Variants in EFCAB11 observed in about 807,000 individuals in gnomAD.
EFCAB11 encodes EF-hand calcium binding domain 11.
EFCAB11 carries 14 observed loss-of-function variants against 23.0 expected under a neutral mutation model. The observed-to-expected ratio is 0.61, with a 90% CI of 0.40 to 0.95. The LOEUF is 0.95. Among genes scored for constraint, EFCAB11 ranks in the 40% least tolerant of loss-of-function variants. The probability of loss-of-function intolerance (pLI) is 0.00; values close to 1 mark genes in which losing one functional copy is unlikely to be tolerated. For missense variants in EFCAB11, 198 were observed against 195.8 expected (o/e 1.01, Z -0.07); for synonymous variants, 65 against 66.6 (o/e 0.98, Z 0.11).
chr14:89,906,497 GACGCATCTA>G (rs1230336287), intron 5 of EFCAB11, among the ~76,000 whole-genome samples: 3 of 152,158 alleles, frequency 2.0e-5, no homozygotes, highest in Non-Finnish European at 4.4e-5. Flanking sequence ...TATGTCAGCT[GACGCATCTA>G]AATTAGAAGT....
chr14:89,800,690 G>A (rs1345562841), intron 5 of EFCAB11, among the ~76,000 whole-genome samples: 1 of 152,174 alleles, frequency 6.6e-6, no homozygotes, highest in South Asian at 2.1e-4. Context: ...TTTTTGGTGT[G>A]TTTGTTTTTG....
intron 5 of EFCAB11, among the ~76,000 whole-genome samples, chr14:89,815,546 C>A (rs563753007): frequency 6.6e-6 from 1 of 152,152 alleles, no homozygotes; most frequent in South Asian, 2.1e-4. Context: ...CCTGCCTCAG[C>A]CTCTTGAGTA....
intron 5 of EFCAB11, chr14:89,836,499 G>A: frequency 2.2e-6 from 1 of 452,754 alleles, no homozygotes. Flanking sequence ...TGGATGTTGG[G>A]GGCGGTGTGT....
chr14:89,926,723 T>C (rs1890206086), intron 5 of EFCAB11, among the ~76,000 whole-genome samples: 1 of 152,230 alleles, frequency 6.6e-6, no homozygotes, highest in Non-Finnish European at 1.5e-5. Context: ...GACTCAAAAA[T>C]GTTAGCATTC....
chr14:89,813,305 C>T (rs1253502163), intron 5 of EFCAB11, among the ~76,000 whole-genome samples: 3 of 152,120 alleles, frequency 2.0e-5, no homozygotes, highest in African/African-American at 7.2e-5. Flanking sequence ...GATACGATAC[C>T]TTGATATCTA....
At chr14:89,825,819 T>C (rs767715343) in intron 5 of EFCAB11, among the ~76,000 whole-genome samples, 2 of 152,176 alleles carry the variant, frequency 1.3e-5, no homozygotes, top group Non-Finnish European at 1.5e-5. Flanking sequence ...TCAAAATGTG[T>C]TAAATTTTGC....
intron 5 of EFCAB11, among the ~76,000 whole-genome samples, chr14:89,834,397 A>AAAC (rs1211367607): frequency 3.3e-4 from 49 of 150,698 alleles, no homozygotes; most frequent in African/African-American, 1.2e-3. Flanking sequence ...AAAAAAAAAA[A>AAAC]AAAAAACCTT....
chr14:89,935,877 A>G (rs550474221), intron 3 of EFCAB11, among the ~76,000 whole-genome samples: 1 of 152,244 alleles, frequency 6.6e-6, no homozygotes, highest in South Asian at 2.1e-4. Context: ...GTGTGGCGGC[A>G]TGCACCTGTA....
chr14:89,832,032 G>C (rs913452431), intron 5 of EFCAB11, among the ~76,000 whole-genome samples: 2 of 152,284 alleles, frequency 1.3e-5, no homozygotes, highest in South Asian at 2.1e-4. Context: ...CAAGCTAGGG[G>C]CTGGGCGTGG....
At chr14:89,901,501 C>T (rs745593363) in intron 5 of EFCAB11, among the ~76,000 whole-genome samples, 3 of 152,126 alleles carry the variant, frequency 2.0e-5, no homozygotes, top group African/African-American at 4.8e-5. Flanking sequence ...GGGCCCAGCA[C>T]GCACCAAGAA....
At chr14:89,881,595 T>TCAC (rs1888605469) in intron 5 of EFCAB11, among the ~76,000 whole-genome samples, 1 of 150,550 alleles carries the variant, frequency 6.6e-6, no homozygotes, top group Non-Finnish European at 1.5e-5. Context: ...TTACAGACAT[T>TCAC]CACCACCACA....
chr14:89,926,959 G>A (rs1265287913), intron 5 of EFCAB11, among the ~76,000 whole-genome samples: 1 of 152,144 alleles, frequency 6.6e-6, no homozygotes, highest in Non-Finnish European at 1.5e-5. Flanking sequence ...TCAACGTTAT[G>A]AACCCTAATA....
chr14:89,824,372 T>C (rs2140105515), intron 5 of EFCAB11, among the ~76,000 whole-genome samples: 1 of 152,214 alleles, frequency 6.6e-6, no homozygotes, highest in Middle Eastern at 3.4e-3. Flanking sequence ...ACATTAAATT[T>C]AAGGAAGTTC....
intron 5 of EFCAB11, among the ~76,000 whole-genome samples, chr14:89,875,671 T>C (rs1202632646): frequency 6.6e-6 from 1 of 152,026 alleles, no homozygotes; most frequent in East Asian, 1.9e-4. Flanking sequence ...ATATAAACCA[T>C]TTAGAATATG....
At chr14:89,817,530 A>T (rs1886373563) in intron 5 of EFCAB11, among the ~76,000 whole-genome samples, 1 of 152,174 alleles carries the variant, frequency 6.6e-6, no homozygotes, top group Non-Finnish European at 1.5e-5. Flanking sequence ...TTAAAAAAAA[A>T]TTATAAATAT....
intron 5 of EFCAB11, among the ~76,000 whole-genome samples, chr14:89,893,114 CCT>C (rs1889033763): frequency 6.6e-6 from 1 of 152,160 alleles, no homozygotes; most frequent in South Asian, 2.1e-4. Flanking sequence ...ATTCCCACTC[CCT>C]TTTTCTTGGC....
chr14:89,903,638 T>G (rs1889404756), intron 5 of EFCAB11, among the ~76,000 whole-genome samples: 1 of 152,168 alleles, frequency 6.6e-6, no homozygotes, highest in Non-Finnish European at 1.5e-5. Flanking sequence ...TAAAAATAGA[T>G]CTGAGAAAAT....
intron 5 of EFCAB11, among the ~76,000 whole-genome samples, chr14:89,820,301 G>T (rs557786743): frequency 1.0e-3 from 152 of 152,214 alleles, no homozygotes; most frequent in African/African-American, 3.5e-3. Flanking sequence ...CTCCAAAGGA[G>T]TTGGGAAGTC....
At chr14:89,885,550 C>T (rs752801312) in intron 5 of EFCAB11, among the ~76,000 whole-genome samples, 7 of 151,766 alleles carry the variant, frequency 4.6e-5, no homozygotes, top group Non-Finnish European at 8.8e-5. Flanking sequence ...TGGTAGCGTG[C>T]GCCTGTAGTC....
Sources: allele counts gnomAD v4.1 joint callset (sites outside exome capture counted in the v4.1 genomes callset), GRCh38; gene constraint gnomAD v4.1.1; transcripts MANE v1.5; gene names NCBI Gene and HGNC (gene_info 2026-07-23, HGNC 2026-07-21).